Variants in PLCB1 observed in about 807,000 individuals in gnomAD.
The protein encoded by PLCB1 is 1-phosphatidylinositol 4,5-bisphosphate phosphodiesterase beta-1.
PLCB1 carries 46 observed loss-of-function variants against 161.8 expected under a neutral mutation model. The ratio of observed to expected loss-of-function variants is 0.28; its 90% CI spans 0.22 to 0.36. The LOEUF (loss-of-function observed/expected upper bound fraction) is 0.36, where lower values mean the gene tolerates loss of function less well. PLCB1 is among the 10% of genes least tolerant of loss of function. The probability of loss-of-function intolerance (pLI) is 1.00; values close to 1 mark genes in which losing one functional copy is unlikely to be tolerated. For synonymous variants in PLCB1, 517 were observed against 503.7 expected (o/e 1.03, Z -0.35); for missense variants, 1,016 against 1,472.5 (o/e 0.69, Z 5.07).
At chr20:8,521,991 T>A (rs1984368283) in intron 3 of PLCB1, among the ~76,000 whole-genome samples, 1 of 152,186 alleles carries the variant, frequency 6.6e-6, no homozygotes, top group East Asian at 1.9e-4. Context: ...ACTAAATCAC[T>A]AGAACAGTGA....
intron 2 of PLCB1, among the ~76,000 whole-genome samples, chr20:8,334,632 C>T (rs1413040985): frequency 6.6e-6 from 1 of 152,192 alleles, no homozygotes; most frequent in African/African-American, 2.4e-5. Flanking sequence ...AGTTAATATT[C>T]AACTCTAATT....
At chr20:8,649,552 G>T in intron 7 of PLCB1, 103 bp downstream of exon 7, 1 of 794,466 alleles carries the variant, frequency 1.3e-6, no homozygotes, top group South Asian at 1.4e-5. Context: ...GGGCCTTTAA[G>T]AGGAAATTAA....
At chr20:8,764,092 G>A (rs757047676) in intron 25 of PLCB1, among the ~76,000 whole-genome samples, 11 of 152,048 alleles carry the variant, frequency 7.2e-5, no homozygotes, top group Non-Finnish European at 1.6e-4. Context: ...ACCTGAACCC[G>A]CGAGGTGGAG....
intron 3 of PLCB1, among the ~76,000 whole-genome samples, chr20:8,411,851 C>A (rs1600383287): frequency 6.6e-6 from 1 of 152,072 alleles, no homozygotes; most frequent in African/African-American, 2.4e-5. Flanking sequence ...TGATGAAACC[C>A]CATCTCTACT....
At chr20:8,467,028 C>T (rs938866323) in intron 3 of PLCB1, among the ~76,000 whole-genome samples, 7 of 152,186 alleles carry the variant, frequency 4.6e-5, no homozygotes, top group Admixed American at 1.3e-4. Context: ...TAACTTCTGC[C>T]TCCTTGATTC....
chr20:8,558,008 G>C (rs554264694), intron 3 of PLCB1, among the ~76,000 whole-genome samples: 1 of 151,770 alleles, frequency 6.6e-6, no homozygotes, highest in Non-Finnish European at 1.5e-5. Context: ...GATTACCAGA[G>C]CCTGGGAAGG....
At chr20:8,194,433 C>G (rs1463208820) in intron 2 of PLCB1, among the ~76,000 whole-genome samples, 2 of 151,942 alleles carry the variant, frequency 1.3e-5, no homozygotes, top group Non-Finnish European at 2.9e-5. Context: ...AGGTGTACAG[C>G]TGAATTTTTA....
Position 8,773,651 on chromosome 20 carries a change from A to G in PLCB1, c.2931-888A>G, listed in dbSNP as rs192289094. Among the ~76,000 whole-genome samples the G allele has an allele frequency of 7.4e-3, 1,119 of 152,164 alleles. 7 individuals carry two copies. Among genetic ancestry groups the G allele is most frequent in the Non-Finnish European group, 0.011 (734 of 68,004 alleles). On this transcript the variant is annotated intron_variant, in intron 26 of 31. Transcript: ENST00000338037. ...GTTGGTGAAGCCTCCAAAGGGCCTT[A>G]TTTTCATTGTGTGTCTTTGCTGTTA...
At chr20:8,809,605 T>C (rs1325467981) in intron 31 of PLCB1, among the ~76,000 whole-genome samples, 1 of 152,214 alleles carries the variant, frequency 6.6e-6, no homozygotes, top group African/African-American at 2.4e-5. Context: ...GCACAAACCT[T>C]ACCCTCTTTC....
intron 3 of PLCB1, among the ~76,000 whole-genome samples, chr20:8,429,225 C>G (rs1185302404): frequency 6.6e-6 from 1 of 152,218 alleles, no homozygotes; most frequent in Non-Finnish European, 1.5e-5. Context: ...TACTTACTCA[C>G]TTGGTTTTAA....
chr20:8,356,375 A>C (rs999467873), intron 2 of PLCB1, among the ~76,000 whole-genome samples: 2 of 152,178 alleles, frequency 1.3e-5, no homozygotes, highest in Admixed American at 1.3e-4. Flanking sequence ...TTCAGTTCAG[A>C]AAGTCTGGGA....
chr20:8,653,491 A>C (rs1989374017), intron 7 of PLCB1: 1 of 151,958 alleles, frequency 6.6e-6, no homozygotes, highest in Admixed American at 6.6e-5. Context: ...TGGCTAATTC[A>C]ATGTTTTATT....
chr20:8,841,725 G>T (rs917082182), intron 31 of PLCB1, among the ~76,000 whole-genome samples: 1 of 152,162 alleles, frequency 6.6e-6, no homozygotes, highest in Non-Finnish European at 1.5e-5. Context: ...TCTGAACCAC[G>T]CAGGTCACAG....
At chr20:8,281,564 T>C (rs1176197109) in intron 2 of PLCB1, among the ~76,000 whole-genome samples, 1 of 152,168 alleles carries the variant, frequency 6.6e-6, no homozygotes, top group East Asian at 1.9e-4. Context: ...AATAGTTCAA[T>C]TAGGTAGCCT....
At chr20:8,602,522 G>C (rs1987621821) in intron 3 of PLCB1, among the ~76,000 whole-genome samples, 1 of 152,152 alleles carries the variant, frequency 6.6e-6, no homozygotes, top group Non-Finnish European at 1.5e-5. Flanking sequence ...ACAGATTCTA[G>C]CTGAAACCCA....
chr20:8,264,818 A>G lies in PLCB1; in HGVS notation c.178-106564A>G, dbSNP rs1347122327. Among the ~76,000 whole-genome samples the G allele has an allele frequency of 2.6e-5, 4 of 152,118 alleles. No homozygotes were observed. In the East Asian group the frequency reaches 7.7e-4, roughly 29 times the overall value. On this transcript the variant is annotated intron_variant, in intron 2 of 31. Transcript: ENST00000338037. ...GTAAGTCAATATTTATTGGCAGCAA[A>G]GGATATTTTCACCTTAGCAAATGAC...
At chr20:8,294,267 A>G (rs1055135446) in intron 2 of PLCB1, among the ~76,000 whole-genome samples, 1 of 152,078 alleles carries the variant, frequency 6.6e-6, no homozygotes, top group Non-Finnish European at 1.5e-5. Flanking sequence ...CCCTTTATCC[A>G]GGTCAGACAG....
At chr20:8,618,488 C>A (rs1293068345) in intron 3 of PLCB1, among the ~76,000 whole-genome samples, 1 of 151,814 alleles carries the variant, frequency 6.6e-6, no homozygotes, top group Non-Finnish European at 1.5e-5. Flanking sequence ...CACAGTGAGA[C>A]CCCATTTTCC....
intron 2 of PLCB1, among the ~76,000 whole-genome samples, chr20:8,364,371 G>A (rs1270274486): frequency 6.6e-6 from 1 of 152,156 alleles, no homozygotes; most frequent in Non-Finnish European, 1.5e-5. Context: ...CTGGAGAATG[G>A]AACCGATAAT....
Sources: allele counts gnomAD v4.1 joint callset (sites outside exome capture counted in the v4.1 genomes callset), GRCh38; gene constraint gnomAD v4.1.1; transcripts MANE v1.5; gene names NCBI Gene and HGNC (gene_info 2026-07-23, HGNC 2026-07-21).